Variants in EBF2 observed in about 807,000 individuals in gnomAD.
The protein encoded by EBF2 is transcription factor COE2.
In EBF2, 21 loss-of-function variants were observed where a neutral mutation model predicts 72.8. The observed-to-expected ratio is 0.29, with a 90% CI of 0.20 to 0.42. The LOEUF is 0.42. Among genes scored for constraint, EBF2 ranks in the 10% least tolerant of loss-of-function variants. The pLI is 1.00. For missense variants in EBF2, 637 were observed against 731.2 expected (o/e 0.87, Z 1.49); for synonymous variants, 299 against 274.2 (o/e 1.09, Z -0.89).
intron 6 of EBF2, chr8:26,032,784 A>G (rs1805430815): frequency 3.5e-6 from 1 of 289,082 alleles, no homozygotes; most frequent in African/African-American, 2.1e-5. Flanking sequence ...GATTGAGACC[A>G]TACCCTGCCC....
chr8:25,936,655 T>C (rs1298267650), intron 6 of EBF2, among the ~76,000 whole-genome samples: 1 of 152,234 alleles, frequency 6.6e-6, no homozygotes, highest in East Asian at 1.9e-4. Flanking sequence ...TAGATCTCTG[T>C]TCTCTTTCTT....
intron 6 of EBF2, among the ~76,000 whole-genome samples, chr8:25,970,418 G>T (rs1804172937): frequency 6.6e-6 from 1 of 151,990 alleles, no homozygotes; most frequent in Non-Finnish European, 1.5e-5. Flanking sequence ...CTTTAATTGA[G>T]CTCTCCTTAG....
At chr8:25,849,616 C>A (rs1168707467) in intron 15 of EBF2, among the ~76,000 whole-genome samples, 4 of 148,640 alleles carry the variant, frequency 2.7e-5, no homozygotes, top group Non-Finnish European at 5.9e-5. Context: ...GCCAGTGAGC[C>A]CCAGTCCTCA....
intron 10 of EBF2, among the ~76,000 whole-genome samples, chr8:25,875,513 C>T (rs955893481): frequency 6.6e-6 from 1 of 152,202 alleles, no homozygotes; most frequent in Non-Finnish European, 1.5e-5. Flanking sequence ...TTGCCTCCTG[C>T]AACTTCAGTT....
chr8:25,890,995 T>C (rs867070255), intron 7 of EBF2, among the ~76,000 whole-genome samples: 2 of 152,184 alleles, frequency 1.3e-5, no homozygotes, highest in South Asian at 2.1e-4. Context: ...ATAAGACAGA[T>C]GACATTACTC....
At chr8:25,957,564 A>G (rs1409477428) in intron 6 of EBF2, among the ~76,000 whole-genome samples, 1 of 152,184 alleles carries the variant, frequency 6.6e-6, no homozygotes, top group Non-Finnish European at 1.5e-5. Context: ...AAGGCTGGAC[A>G]AGAAATAGAG....
intron 7 of EBF2, among the ~76,000 whole-genome samples, chr8:25,900,418 C>T (rs1207365478): frequency 3.3e-5 from 5 of 151,964 alleles, no homozygotes; most frequent in Non-Finnish European, 7.4e-5. Flanking sequence ...AATATTGCAC[C>T]ACTGCACTCC....
At chr8:25,923,515 T>A (rs1315531797) in intron 6 of EBF2, among the ~76,000 whole-genome samples, 3 of 152,242 alleles carry the variant, frequency 2.0e-5, no homozygotes, top group Non-Finnish European at 4.4e-5. Context: ...TGTAAATGTA[T>A]ACACATATAT....
Position 25,998,624 on chromosome 8 carries a change from T to C in EBF2, c.551+34461A>G, listed in dbSNP as rs150771033. On this transcript the variant is annotated intron_variant, in intron 6 of 15. Transcript: ENST00000520164. Reference sequence around the variant, plus strand: ...ACTTTCTGGGTTGTGTTTCAGAGTGTCATTTAATGTCATTTTATGACTCCC... The same window carrying C: ...ACTTTCTGGGTTGTGTTTCAGAGTGCCATTTAATGTCATTTTATGACTCCC... Among the ~76,000 whole-genome samples the C allele has an allele frequency of 2.2e-3, 331 of 152,314 alleles. 3 individuals are homozygous for C. In the East Asian group the frequency reaches 0.033, roughly 15 times the overall value.
At chr8:25,889,570 C>T (rs1012782379) in intron 8 of EBF2, among the ~76,000 whole-genome samples, 182 bp downstream of exon 8, 3 of 151,688 alleles carry the variant, frequency 2.0e-5, no homozygotes, top group East Asian at 1.9e-4. Context: ...GGCTGGTAGA[C>T]GTGTGGGCCT....
At chr8:25,929,950 G>T (rs901011529) in intron 6 of EBF2, among the ~76,000 whole-genome samples, 15 of 152,120 alleles carry the variant, frequency 9.9e-5, no homozygotes, top group Non-Finnish European at 1.8e-4. Flanking sequence ...TAGACTTTAG[G>T]GTGGCTGATG....
At chr8:25,991,115 A>T (rs1038172937) in intron 6 of EBF2, among the ~76,000 whole-genome samples, 5 of 114,702 alleles carry the variant, frequency 4.4e-5, no homozygotes, top group East Asian at 1.5e-3. Flanking sequence ...TGAAAAAAAT[A>T]AAAAAAAAGG....
chr8:25,950,069 A>G (rs1205906241), intron 6 of EBF2, among the ~76,000 whole-genome samples: 1 of 152,264 alleles, frequency 6.6e-6, no homozygotes, highest in Non-Finnish European at 1.5e-5. Context: ...CTAGAACCGT[A>G]TTAATGAACA....
intron 6 of EBF2, among the ~76,000 whole-genome samples, chr8:25,941,982 A>G (rs1803681616): frequency 6.6e-6 from 1 of 152,178 alleles, no homozygotes; most frequent in Non-Finnish European, 1.5e-5. Flanking sequence ...TTGAGTATCT[A>G]TTACCTGAAG....
chr8:25,853,075 ACTAACCATTTGAAGACT>A (rs1802016027), intron 14 of EBF2, among the ~76,000 whole-genome samples: 1 of 152,190 alleles, frequency 6.6e-6, no homozygotes, highest in African/African-American at 2.4e-5. Flanking sequence ...GGAAAAATAC[ACTAACCATTTGAAGACT>A]AAGTTTAGAG....
intron 6 of EBF2, among the ~76,000 whole-genome samples, chr8:25,954,487 G>A (rs925237707): frequency 3.9e-5 from 6 of 152,246 alleles, no homozygotes; most frequent in African/African-American, 1.2e-4. Context: ...CAGAGGTCAA[G>A]GGCAATGGGT....
In EBF2 at chr8:25,960,029, C is replaced by A. The variant is rs547859062; in HGVS notation, c.552-51474G>T. Among the ~76,000 whole-genome samples, 5 of 152,244 alleles carry A rather than the reference C, an allele frequency of 3.3e-5. No homozygotes were observed. The South Asian group carries it at 8.3e-4, about 25-fold the overall frequency. On this transcript the variant is annotated intron_variant, in intron 6 of 15. Transcript: ENST00000520164. ...CTTTCCTGGGTTCTGGTCGGGTGAA[C>A]TTTGAGTGTGTCTATTTCCCTAAAG...
chr8:25,988,047 A>G (rs1423268100), intron 6 of EBF2, among the ~76,000 whole-genome samples: 2 of 152,186 alleles, frequency 1.3e-5, no homozygotes, highest in Non-Finnish European at 2.9e-5. Context: ...CAAAAGACCT[A>G]ATTCCTCAGG....
intron 9 of EBF2, among the ~76,000 whole-genome samples, chr8:25,887,100 T>C (rs77426684): frequency 6.9e-6 from 1 of 144,490 alleles, no homozygotes; most frequent in African/African-American, 2.4e-5. Flanking sequence ...TGTCCCTCTC[T>C]CTGTGTGTAT....
Sources: gnomAD v4.1 joint callset for allele counts (sites outside exome capture counted in the v4.1 genomes callset) on GRCh38, gnomAD v4.1.1 for gene constraint, MANE v1.5 for transcripts, NCBI Gene and HGNC (gene_info 2026-07-23, HGNC 2026-07-21) for gene names.